Variants in RB1 observed in about 807,000 individuals in gnomAD.
RB1 encodes RB transcriptional corepressor 1, also known as retinoblastoma-associated protein.
A neutral mutation model predicts 135.4 loss-of-function variants in RB1; 18 were observed. That is an observed-to-expected ratio of 0.13 (90% CI 0.09 to 0.20). RB1 has a LOEUF of 0.20. Among genes scored for constraint, RB1 ranks in the 10% least tolerant of loss-of-function variants. The pLI is 1.00. For missense variants in RB1, 868 were observed against 1,110.0 expected (o/e 0.78, Z 3.10); for synonymous variants, 365 against 373.2 (o/e 0.98, Z 0.25).
rs9568044 is a variant in RB1, at chr13:48,466,312, A to T, written c.2489+944A>T. On this transcript the variant is annotated intron_variant, in intron 23 of 26. Transcript: ENST00000267163. ...AGCAGGGGCACACTGACACCTCACA[A>T]GGCAGGGTATTCCAACAGACCTGCA... Among the ~76,000 whole-genome samples, 164 of 38,258 alleles carry T rather than the reference A, an allele frequency of 4.3e-3. 1 individual carries two copies. Among genetic ancestry groups the T allele is most frequent in the African/African-American group, 8.7e-3 (147 of 16,892 alleles). 25.1% of individuals were successfully genotyped at this position (38,258 alleles called of 152,430 possible). A position where few individuals can be genotyped will look rare whatever the true frequency, so the allele number is the denominator to read the frequency against.
intron 2 of RB1, chr13:48,317,165 C>CGG (rs1952191686): frequency 1.4e-6 from 1 of 703,500 alleles, no homozygotes; most frequent in Non-Finnish European, 2.1e-6. Context: ...CAGAGAAGGA[C>CGG]GGGCCCTGTG....
chr13:48,391,839 G>T (rs573784460), intron 17 of RB1, among the ~76,000 whole-genome samples: 1 of 151,886 alleles, frequency 6.6e-6, no homozygotes, highest in Non-Finnish European at 1.5e-5. Context: ...GGCTGGTCTC[G>T]AACTCCTGAC....
intron 2 of RB1, chr13:48,318,134 C>G: frequency 1.9e-6 from 1 of 514,322 alleles, no homozygotes. Context: ...TGTCCTGGCT[C>G]CTGACGCCCT....
rs769231663 is a variant in RB1 at position 48,377,045 on chromosome 13, T to A, written c.1332+11T>A. On this transcript the variant is annotated intron_variant, in intron 13 of 26. Transcript: ENST00000267163. ...GAAATTGGATCACAGGTAACTTGAA[T>A]TCATTGTAATTCGTGGTACTATAGA... 20 of 1,608,842 alleles carry A rather than the reference T, an allele frequency of 1.2e-5. No individual in the cohort carries two copies. The highest frequency in any genetic ancestry group is 1.6e-5 in the Non-Finnish European group (19 of 1,175,582).
In RB1 at chr13:48,455,856, A is replaced by G. The variant is rs546579760; in HGVS notation, c.1815-348A>G. ...AAAAAATTTTTAGAAGGAGAATCAC[A>G]AAAACAAGATAACAGTATTTAATAT... On this transcript the variant is annotated intron_variant, in intron 18 of 26. Transcript: ENST00000267163. Among the ~76,000 whole-genome samples the G allele has an allele frequency of 4.6e-5, 7 of 152,348 alleles. No individual in the cohort carries two copies. In the East Asian group the frequency reaches 1.2e-3, roughly 25 times the overall value.
At chr13:48,414,625 C>T (rs73197557) in intron 17 of RB1, among the ~76,000 whole-genome samples, 132 of 151,690 alleles carry the variant, frequency 8.7e-4, no homozygotes, top group Non-Finnish European at 1.4e-3. Flanking sequence ...ATTTTTTTCT[C>T]ATAAATTACT....
At chr13:48,339,858 T>G (rs1375107594) in intron 2 of RB1, among the ~76,000 whole-genome samples, 1 of 152,166 alleles carries the variant, frequency 6.6e-6, no homozygotes, top group Non-Finnish European at 1.5e-5. Context: ...TCCAATGACT[T>G]TTTTAGATTG....
At chr13:48,348,499 T>G (rs2138092674) in intron 5 of RB1, among the ~76,000 whole-genome samples, 1 of 151,954 alleles carries the variant, frequency 6.6e-6, no homozygotes, top group Non-Finnish European at 1.5e-5. Flanking sequence ...CATCCAAACC[T>G]TCATTTTTCT....
intron 2 of RB1, among the ~76,000 whole-genome samples, chr13:48,335,136 A>G (rs555730977): frequency 6.6e-6 from 1 of 152,066 alleles, no homozygotes; most frequent in South Asian, 2.1e-4. Flanking sequence ...AATTGGAATC[A>G]AAATATGTGC....
chr13:48,375,297 C>G (rs1952809423), intron 12 of RB1, among the ~76,000 whole-genome samples: 1 of 151,974 alleles, frequency 6.6e-6, no homozygotes, highest in Admixed American at 6.6e-5. Context: ...TCTTGAAGGT[C>G]ATTATGTTTT....
intron 17 of RB1, among the ~76,000 whole-genome samples, chr13:48,450,320 G>A (rs1266950496): frequency 6.6e-6 from 1 of 152,080 alleles, no homozygotes; most frequent in African/African-American, 2.4e-5. Flanking sequence ...TTTACAGAAG[G>A]GGTCTAGTTT....
intron 17 of RB1, among the ~76,000 whole-genome samples, chr13:48,384,480 A>G (rs900702787): frequency 2.6e-5 from 4 of 152,212 alleles, no homozygotes; most frequent in South Asian, 2.1e-4. Context: ...ATATTAAGAA[A>G]AGTATATATC....
chr13:48,308,059 G>GT (rs1566175522), intron 2 of RB1, among the ~76,000 whole-genome samples: 1 of 151,726 alleles, frequency 6.6e-6, no homozygotes, highest in East Asian at 1.9e-4. Flanking sequence ...AATTAGTTTT[G>GT]TTAGAATTCA....
chr13:48,313,623 T>G (rs1360750020), intron 2 of RB1, among the ~76,000 whole-genome samples: 1 of 151,788 alleles, frequency 6.6e-6, no homozygotes, highest in Non-Finnish European at 1.5e-5. Context: ...GCACCACTTA[T>G]GGAAAAGACT....
At chr13:48,317,128 TG>T in intron 2 of RB1, 3 of 911,228 alleles carry the variant, frequency 3.3e-6, no homozygotes, top group South Asian at 2.8e-5. Context: ...AAGACAGGGC[TG>T]GGCCCGGCCT....
chr13:48,367,537 A>G lies in RB1; in HGVS notation c.983A>G (p.Asn328Ser). 1 of 1,604,906 alleles carries G rather than the reference A, an allele frequency of 6.2e-7. No homozygotes were observed. The highest frequency in any genetic ancestry group is 1.3e-5 in the African/African-American group (1 of 74,846). ...SKRYEEIYLK[N>S]KDLDARLFLD... ...CGATACGAAGAAATTTATCTTAAAA[A>G]TAAAGATCTAGATGCAAGATTATTT... The change falls in exon 10 of 27, where the codon AAT becomes AGT. Residue 328 changes from asparagine to serine, a missense_variant. Physicochemically the swap from Asn to Ser is conservative, Grantham distance 46. Around this residue, in one of 3 missense-constraint regions of RB1, gnomAD observed 641 missense variants for 791.3 expected, o/e 0.81. Transcript: ENST00000267163.
intron 1 of RB1, among the ~76,000 whole-genome samples, chr13:48,306,391 T>C (rs1952080578): frequency 6.6e-6 from 1 of 151,976 alleles, no homozygotes. Flanking sequence ...GATGACAGAG[T>C]GAAACCCTAT....
rs1159545487 is a variant in RB1 at position 48,319,825 on chromosome 13, A to G, written c.264+12419A>G. 9.4e-6 allele frequency: 3 copies of G among 318,880 alleles called. No homozygotes were observed. The highest frequency in any genetic ancestry group is 7.7e-5 in the South Asian group (2 of 25,984). The allele number at this position is 318,880 out of a possible 1,614,324, so 19.8% of individuals were successfully genotyped here. On this transcript the variant is annotated intron_variant, in intron 2 of 26. Transcript: ENST00000267163. The surrounding 1 kb of genome is among the most constrained non-coding windows in gnomAD (Gnocchi z 5.0). ...TATTTCCGCCTTAATGCTCTGCTCGAAGGAGTCGTTGCTGCTCGCTCTGAC... is the reference window on the plus strand; with the variant it reads ...TATTTCCGCCTTAATGCTCTGCTCGGAGGAGTCGTTGCTGCTCGCTCTGAC...
chr13:48,442,008 G>A (rs1034487506), intron 17 of RB1, among the ~76,000 whole-genome samples: 6 of 152,004 alleles, frequency 3.9e-5, no homozygotes, highest in Non-Finnish European at 5.9e-5. Flanking sequence ...TTTTAAACTC[G>A]AATTCACCCT....
Sources: allele counts gnomAD v4.1 joint callset (sites outside exome capture counted in the v4.1 genomes callset), GRCh38; gene constraint gnomAD v4.1.1; regional missense constraint gnomAD v4.1.1; non-coding constraint Gnocchi (gnomAD v3.1); transcripts MANE v1.5; gene names NCBI Gene and HGNC (gene_info 2026-07-23, HGNC 2026-07-21).